NOL4: variants seen among roughly 807,000 people sequenced by gnomAD.
NOL4 encodes cancer/testis antigen 125.
A neutral mutation model predicts 75.9 loss-of-function variants in NOL4; 17 were observed. That is an observed-to-expected ratio of 0.22 (90% CI 0.15 to 0.34). NOL4 has a LOEUF of 0.34. Ranked by LOEUF, NOL4 falls within the 10% of genes least tolerant of loss-of-function variation. NOL4 has a pLI of 1.00. For synonymous variants in NOL4, 292 were observed against 289.9 expected, an observed-to-expected ratio of 1.01 and a Z score of -0.07; for missense variants, 614 against 793.5, an observed-to-expected ratio of 0.77 and a Z score of 2.72.
intron 6 of NOL4, among the ~76,000 whole-genome samples, chr18:33,987,003 C>T (rs776888433): frequency 6.6e-6 from 1 of 152,094 alleles, no homozygotes; most frequent in Non-Finnish European, 1.5e-5. Context: ...TAGTGATTGT[C>T]AGTGGGTAGG....
chr18:34,027,483 C>T (rs2075403829), intron 5 of NOL4, among the ~76,000 whole-genome samples: 1 of 152,176 alleles, frequency 6.6e-6, no homozygotes, highest in Non-Finnish European at 1.5e-5. Context: ...AGGACAGGGG[C>T]TAGGCTTTTC....
chr18:34,013,397 G>A lies in NOL4; in HGVS notation c.1056+5921C>T, dbSNP rs887112287. Among the ~76,000 whole-genome samples, 11 of 151,678 alleles carry A rather than the reference G, an allele frequency of 7.3e-5. 1 individual carries two copies. The highest frequency in any genetic ancestry group is 1.2e-4 in the African/African-American group (5 of 41,308). ...CCTAAAGTCATCTTGTAAAACACAC[G>A]CCAGAATTTTTCCTACCCCAAAACA... is the stretch of plus-strand genomic sequence containing the variant. On this transcript the variant is annotated intron_variant, in intron 6 of 10. Coordinates refer to ENST00000261592, the MANE Select transcript of NOL4 (RefSeq NM_003787.5).
At chr18:34,008,147 A>G (rs1276219087) in intron 6 of NOL4, among the ~76,000 whole-genome samples, 1 of 152,002 alleles carries the variant, frequency 6.6e-6, no homozygotes, top group Non-Finnish European at 1.5e-5. Flanking sequence ...TGCAACATTC[A>G]TCTTCTCTTG....
intron 9 of NOL4, among the ~76,000 whole-genome samples, chr18:33,911,658 T>G (rs1277510132): frequency 6.6e-6 from 1 of 152,160 alleles, no homozygotes; most frequent in Non-Finnish European, 1.5e-5. Flanking sequence ...AAAATTTCCT[T>G]CTATACTATG....
chr18:33,935,825 T>TTGAA (rs988480155), intron 9 of NOL4, among the ~76,000 whole-genome samples: 2 of 152,154 alleles, frequency 1.3e-5, no homozygotes, highest in African/African-American at 2.4e-5. Flanking sequence ...AAGTGTCATG[T>TTGAA]TGAAGCACAT....
chr18:34,199,649 T>A (rs1462255449), intron 1 of NOL4, among the ~76,000 whole-genome samples: 1 of 151,850 alleles, frequency 6.6e-6, no homozygotes, highest in Non-Finnish European at 1.5e-5. Flanking sequence ...TATTATTCTA[T>A]CATGACACAA....
chr18:33,968,441 C>CTA (rs2070780890), intron 6 of NOL4, among the ~76,000 whole-genome samples: 1 of 152,152 alleles, frequency 6.6e-6, no homozygotes, highest in African/African-American at 2.4e-5. Flanking sequence ...TCATGGACTA[C>CTA]TACATAACCA....
At chr18:33,890,001 A>G (rs2065003612) in intron 9 of NOL4, among the ~76,000 whole-genome samples, 1 of 152,012 alleles carries the variant, frequency 6.6e-6, no homozygotes, top group Non-Finnish European at 1.5e-5. Context: ...CTCTCTCACC[A>G]CTCCTATTCA....
At chr18:33,978,229 A>C (rs1311073208) in intron 6 of NOL4, among the ~76,000 whole-genome samples, 1 of 152,132 alleles carries the variant, frequency 6.6e-6, no homozygotes, top group African/African-American at 2.4e-5. Flanking sequence ...ATATATGTCT[A>C]CCTTTTCTAG....
At chr18:33,889,723 C>T (rs901090479) in intron 9 of NOL4, among the ~76,000 whole-genome samples, 5 of 152,092 alleles carry the variant, frequency 3.3e-5, no homozygotes, top group Non-Finnish European at 5.9e-5. Context: ...GGATGCAAGG[C>T]TGGTTCAACA....
At chr18:34,040,996 A>G (rs1177288241) in intron 5 of NOL4, among the ~76,000 whole-genome samples, 1 of 152,040 alleles carries the variant, frequency 6.6e-6, no homozygotes, top group African/African-American at 2.4e-5. Context: ...AATCAAAAAT[A>G]TTCTAGGATG....
chr18:34,046,724 A>T, intron 5 of NOL4, among the ~76,000 whole-genome samples: 1 of 144,800 alleles, frequency 6.9e-6, no homozygotes, highest in East Asian at 2.1e-4. Flanking sequence ...TATTTTGTTA[A>T]TTCTGCTCAC....
chr18:33,933,932 A>G (rs949058716), intron 9 of NOL4, among the ~76,000 whole-genome samples: 3 of 152,116 alleles, frequency 2.0e-5, no homozygotes, highest in African/African-American at 7.2e-5. Flanking sequence ...CCTTTTCCTA[A>G]TCCATCAGAG....
At chr18:34,029,838 C>T (rs1378193924) in intron 5 of NOL4, among the ~76,000 whole-genome samples, 2 of 152,082 alleles carry the variant, frequency 1.3e-5, no homozygotes, top group African/African-American at 4.8e-5. Flanking sequence ...AAATTCTATT[C>T]AAATAATTTT....
chr18:34,178,598 C>T (rs1189554787), intron 1 of NOL4, among the ~76,000 whole-genome samples: 1 of 151,426 alleles, frequency 6.6e-6, no homozygotes, highest in African/African-American at 2.4e-5. Context: ...AAAAGTTGTA[C>T]TATAGAGAAA....
rs538202062 is a variant in NOL4 at position 34,223,346 on chromosome 18, C to G, written c.-93G>C. On this transcript the variant is annotated 5_prime_UTR_variant, in exon 1 of 11. Coordinates refer to ENST00000261592, the MANE Select transcript of NOL4 (RefSeq NM_003787.5). ...GAAAAATGCAGCCCCGGCCACGTTGCAGGGATGCGAGGTCCCGGCCGCAGC... is the reference window on the plus strand; with the variant it reads ...GAAAAATGCAGCCCCGGCCACGTTGGAGGGATGCGAGGTCCCGGCCGCAGC... 2.8e-5 allele frequency: 42 copies of G among 1,522,656 alleles called. No individual in the cohort carries two copies. The African/African-American group carries it at 5.8e-4, about 21-fold the overall frequency. 94.3% of individuals were successfully genotyped at this position (1,522,656 alleles called of 1,614,324 possible).
chr18:33,971,882 A>G (rs1362607353), intron 6 of NOL4, among the ~76,000 whole-genome samples: 1 of 152,130 alleles, frequency 6.6e-6, no homozygotes, highest in Non-Finnish European at 1.5e-5. Flanking sequence ...ATACTTTTTT[A>G]AGGCTGATCA....
chr18:34,212,954 G>A (rs1304838526), intron 1 of NOL4, among the ~76,000 whole-genome samples: 1 of 152,124 alleles, frequency 6.6e-6, no homozygotes, highest in Non-Finnish European at 1.5e-5. Flanking sequence ...CCCCATGAAA[G>A]GCCCCCCTTT....
intron 6 of NOL4, among the ~76,000 whole-genome samples, chr18:34,015,639 C>A (rs1260392804): frequency 1.3e-5 from 2 of 152,018 alleles, no homozygotes; most frequent in African/African-American, 2.4e-5. Flanking sequence ...TTATCAACCA[C>A]CACAGCTTCA....
Sources: allele counts gnomAD v4.1 joint callset (sites outside exome capture counted in the v4.1 genomes callset), GRCh38; gene constraint gnomAD v4.1.1; transcripts MANE v1.5; gene names NCBI Gene and HGNC (gene_info 2026-07-23, HGNC 2026-07-21).